Variants in ZBTB17 observed in about 807,000 individuals in gnomAD.
ZBTB17 encodes zinc finger and BTB domain containing 17.
Under a neutral mutation model 85.1 loss-of-function variants are expected in ZBTB17, and 24 were observed. The ratio of observed to expected loss-of-function variants is 0.28; its 90% confidence interval spans 0.20 to 0.40. ZBTB17 has a LOEUF of 0.40. Ranked by LOEUF, ZBTB17 falls within the 10% of genes least tolerant of loss-of-function variation. The pLI, the probability that ZBTB17 is intolerant of heterozygous loss-of-function variation, is 1.00. For missense variants in ZBTB17, 743 were observed against 1,105.1 expected, an observed-to-expected ratio of 0.67 and a Z score of 4.65; for synonymous variants, 464 against 460.2, an observed-to-expected ratio of 1.01 and a Z score of -0.11.
chr1:15,952,756 G>A lies in ZBTB17; in HGVS notation c.-2-4259C>T, dbSNP rs990192159. Among the ~76,000 whole-genome samples, 2 of 152,228 alleles carry A rather than the reference G, an allele frequency of 1.3e-5. No individual in the cohort carries two copies. The highest frequency in any genetic ancestry group is 1.3e-4 in the Admixed American group (2 of 15,286). Reference sequence around the variant, plus strand: ...GAGAGGGCACATGGAGAAGAGCAGAGAGGCCACTGACAGCACCAATGCTCT... The same window carrying A: ...GAGAGGGCACATGGAGAAGAGCAGAAAGGCCACTGACAGCACCAATGCTCT... On this transcript the variant is annotated intron_variant, in intron 2 of 15. Transcript: ENST00000375743. The surrounding 1 kb of genome is among the most constrained non-coding windows in gnomAD (Gnocchi z 4.3).
rs2071574739 is a variant in ZBTB17, at chr1:15,945,754, C to T, written c.622G>A (p.Ala208Thr). The T allele has an allele frequency of 6.2e-7, 1 of 1,607,040 alleles. No homozygotes were observed. The highest frequency in any genetic ancestry group is 8.5e-7 in the Non-Finnish European group (1 of 1,179,800). The change falls in exon 6 of 16, where the codon GCA becomes ACA. Residue 208 changes from alanine (A) to threonine (T), a missense_variant. Ala to Thr is a moderately conservative substitution (Grantham distance 58, BLOSUM62 0). Coordinates refer to ENST00000375743, the MANE Select transcript of ZBTB17 (RefSeq NM_003443.3). ...KPDPTSGMAAAEAEAALSESS... is the reference protein window; with the variant it reads ...KPDPTSGMAATEAEAALSESS... Reference sequence around the variant, plus strand: ...TCGGACAAAGCGGCCTCAGCTTCTGCAGCAGCCATGCCACTCGTGGGGTCT... The same window carrying T: ...TCGGACAAAGCGGCCTCAGCTTCTGTAGCAGCCATGCCACTCGTGGGGTCT...
Position 15,957,839 on chromosome 1 carries a change from G to A in ZBTB17, c.-2-9342C>T, listed in dbSNP as rs936889501. On this transcript the variant is annotated intron_variant, in intron 2 of 15. Coordinates refer to ENST00000375743, the MANE Select transcript of ZBTB17 (RefSeq NM_003443.3). Reference sequence around the variant, plus strand: ...AAGGATGACACTAAGATCTGTGCCCGGAGACACTGGCCCAGTGGCGGTGCC... The same window carrying A: ...AAGGATGACACTAAGATCTGTGCCCAGAGACACTGGCCCAGTGGCGGTGCC... 4.6e-5 allele frequency among the ~76,000 whole-genome samples: 7 copies of A among 152,288 alleles called. No homozygotes were observed. The East Asian group carries it at 5.8e-4, about 13-fold the overall frequency.
At chr1:15,944,654 G>A (rs1445880330) in intron 8 of ZBTB17, 43 bp downstream of exon 8, 3 of 1,602,200 alleles carry the variant, frequency 1.9e-6, no homozygotes, top group Non-Finnish European at 1.7e-6. Flanking sequence ...TGAAAGGCCG[G>A]GCCTGGCAGG....
At chr1:15,943,288 C>T (rs2071436979) in intron 12 of ZBTB17, 94 bp from the exon 13 acceptor site, 1 of 1,600,112 alleles carries the variant, frequency 6.2e-7, no homozygotes, top group Non-Finnish European at 8.5e-7. Context: ...AGGACCAGAG[C>T]CTGGGGCGTG....
intron 5 of ZBTB17, 78 bp downstream of exon 5, chr1:15,946,076 A>C: frequency 1.9e-6 from 3 of 1,596,786 alleles, no homozygotes; most frequent in Non-Finnish European, 2.5e-6. Context: ...ACCTGCCCCA[A>C]GGCAGCCCTC....
intron 2 of ZBTB17, among the ~76,000 whole-genome samples, chr1:15,960,128 A>G (rs1004753494): frequency 1.3e-5 from 2 of 152,170 alleles, no homozygotes; most frequent in African/African-American, 4.8e-5. Context: ...TCAACACGCA[A>G]CTGTGGGGGG....
In ZBTB17 at chr1:15,964,564, A is replaced by C. The variant is rs1193708252; in HGVS notation, c.-3+8475T>G. Among the ~76,000 whole-genome samples, 2 of 152,162 alleles carry C rather than the reference A, an allele frequency of 1.3e-5. No homozygotes were observed. Among genetic ancestry groups the C allele is most frequent in the African/African-American group, 4.8e-5 (2 of 41,438 alleles). On this transcript the variant is annotated intron_variant, in intron 2 of 15. Transcript: ENST00000375743. The surrounding 1 kb of genome is among the most constrained non-coding windows in gnomAD (Gnocchi z 4.3). ...GAAACCCTGTCTCTACAAAAAAGAC[A>C]AAAATAGCTGAGCGTGGTGGCGTGT...
In ZBTB17 at chr1:15,943,133, T is replaced by G; in HGVS notation, c.1759A>C (p.Lys587Gln). ...IRHHDNIRPH[K>Q]CSVCSKAFVN... ...AAGGCCTTGCTGCACACGCTGCACTTGTGTGGGCGGATGTTGTCGTGGTGG... is the reference window on the plus strand; with the variant it reads ...AAGGCCTTGCTGCACACGCTGCACTGGTGTGGGCGGATGTTGTCGTGGTGG... Residue 587 changes from lysine to glutamine, a missense_variant, in exon 13 of 16, where the codon AAG becomes CAG. Coordinates refer to ENST00000375743, the MANE Select transcript of ZBTB17 (RefSeq NM_003443.3). The G allele has an allele frequency of 6.2e-7, 1 of 1,614,044 alleles. No individual in the cohort carries two copies. Among genetic ancestry groups the G allele is most frequent in the Non-Finnish European group, 8.5e-7 (1 of 1,179,984 alleles).
intron 3 of ZBTB17, 116 bp from the exon 4 acceptor site, chr1:15,947,239 C>A: frequency 9.5e-7 from 1 of 1,051,406 alleles, no homozygotes. Flanking sequence ...GAGTGGCAAG[C>A]CTGCATCGCC....
rs1019716847 is a variant in ZBTB17, at chr1:15,966,897, G to C, written c.-3+6142C>G. Among the ~76,000 whole-genome samples, 2 of 151,044 alleles carry C rather than the reference G, an allele frequency of 1.3e-5. No individual in the cohort carries two copies. Among genetic ancestry groups the C allele is most frequent in the African/African-American group, 4.9e-5 (2 of 40,968 alleles). On this transcript the variant is annotated intron_variant, in intron 2 of 15. Coordinates refer to ENST00000375743, the MANE Select transcript of ZBTB17 (RefSeq NM_003443.3). This position sits in a 1 kb window ranked among gnomAD's most constrained non-coding sequence, Gnocchi z 4.1. ...CACTCCAACCTGGGCGAAAGAGCGA[G>C]ACCCTGTCTCAAAAATTAAATTAAT...
intron 1 of ZBTB17, 38 bp downstream of exon 1, chr1:15,975,945 C>G (rs1274289394): frequency 1.4e-6 from 1 of 698,260 alleles, no homozygotes; most frequent in Non-Finnish European, 2.6e-6. Context: ...CCCCGGCTCC[C>G]GGGACTTCCC....
intron 6 of ZBTB17, 66 bp downstream of exon 6, chr1:15,945,649 C>G (rs775383036): frequency 1.8e-5 from 28 of 1,589,232 alleles, no homozygotes; most frequent in Non-Finnish European, 2.1e-5. Flanking sequence ...GGCCCCAGTG[C>G]GCAGTGGAGG....
At position 15,948,427 on chromosome 1, in the gene ZBTB17, G is replaced by A. The variant is rs1161855759; in HGVS notation, c.69C>T (p.Leu23=). 1.9e-6 allele frequency: 3 copies of A among 1,614,048 alleles called. No homozygotes were observed. The highest frequency in any genetic ancestry group is 3.3e-5 in the Admixed American group (2 of 60,036). The change falls in exon 3 of 16, where the codon CTC becomes CTT. Residue 23 remains leucine (L), a synonymous_variant. Coordinates refer to ENST00000375743, the MANE Select transcript of ZBTB17 (RefSeq NM_003443.3). ...CGTCCACCACAAAGGTGCAGTCACA[G>A]AGAAGCCCCAGCTGCCGCTGCTGGT... ...QLNQQRQLGL[L]CDCTFVVDGV...
At chr1:15,946,386 G>T (rs754210961) in intron 4 of ZBTB17, 92 bp from the exon 5 acceptor site, 9 of 1,539,698 alleles carry the variant, frequency 5.8e-6, no homozygotes, top group Non-Finnish European at 7.9e-6. Context: ...GGTCTTCCTC[G>T]TCCTCCCTAG....
chr1:15,948,373 C>T lies in ZBTB17; in HGVS notation c.123G>A (p.Val41=). 6.2e-7 allele frequency: 1 copy of T among 1,614,054 alleles called. No individual in the cohort carries two copies. The highest frequency in any genetic ancestry group is 8.5e-7 in the Non-Finnish European group (1 of 1,180,048). Residue 41 remains valine (V), a synonymous_variant, in exon 3 of 16, where the codon GTG becomes GTA. Transcript: ENST00000375743. ...TGAAGTACTCGCTGCAGGCCGCCAG[C>T]ACTGCTTTATGAGCCTTAAAGTGAA... ...DGVHFKAHKA[V]LAACSEYFKM...
At chr1:15,971,445 TATAC>T (rs892253072) in intron 2 of ZBTB17, among the ~76,000 whole-genome samples, 2 of 82,220 alleles carry the variant, frequency 2.4e-5, no homozygotes, top group East Asian at 3.9e-4. Flanking sequence ...ACACTATATA[TATAC>T]ACACACACTA....
intron 2 of ZBTB17, among the ~76,000 whole-genome samples, chr1:15,956,527 T>C (rs1334065810): frequency 6.6e-6 from 1 of 152,206 alleles, no homozygotes; most frequent in Non-Finnish European, 1.5e-5. Flanking sequence ...GAATGTCCAT[T>C]CCATTAATCA....
At chr1:15,946,096 T>C (rs1230099915) in intron 5 of ZBTB17, 58 bp downstream of exon 5, 1 of 1,599,744 alleles carries the variant, frequency 6.3e-7, no homozygotes, top group South Asian at 1.1e-5. Flanking sequence ...CACTACCCTG[T>C]GCCCAGGCTG....
intron 4 of ZBTB17, among the ~76,000 whole-genome samples, 153 bp downstream of exon 4, chr1:15,946,782 G>A (rs553012051): frequency 6.6e-6 from 1 of 152,242 alleles, no homozygotes. Context: ...CAGGCAGAGA[G>A]GCCACCCTCA....
Sources: allele counts gnomAD v4.1 joint callset (sites outside exome capture counted in the v4.1 genomes callset), GRCh38; gene constraint gnomAD v4.1.1; non-coding constraint Gnocchi (gnomAD v3.1); transcripts MANE v1.5; gene names NCBI Gene and HGNC (gene_info 2026-07-23, HGNC 2026-07-21).